CCDC102B: variants seen among roughly 807,000 people sequenced by gnomAD.
CCDC102B encodes coiled-coil domain containing 102B.
In CCDC102B, 75 loss-of-function variants were observed where a neutral mutation model predicts 57.4. The observed-to-expected ratio is 1.31, with a 90% CI of 1.08 to 1.58. The LOEUF (loss-of-function observed/expected upper bound fraction) is 1.58. Among genes scored for constraint, CCDC102B ranks in the 40% most tolerant of loss-of-function variants. The pLI is 0.00. For synonymous variants in CCDC102B, 206 were observed against 201.9 expected, an observed-to-expected ratio of 1.02 and a Z score of -0.17; for missense variants, 636 against 582.6, an observed-to-expected ratio of 1.09 and a Z score of -0.94.
downstream of CCDC102B, among the ~76,000 whole-genome samples, chr18:69,056,563 A>G (rs983566327): frequency 4.6e-5 from 7 of 151,630 alleles, no homozygotes; most frequent in African/African-American, 1.7e-4. Flanking sequence ...CTTCTGAATT[A>G]CTCTCTTCTC....
At chr18:68,863,533 CTGCCCAAGTTATTATTTGGA>C (rs2038849327) in intron 4 of CCDC102B, among the ~76,000 whole-genome samples, 1 of 151,970 alleles carries the variant, frequency 6.6e-6, no homozygotes, top group South Asian at 2.1e-4. Flanking sequence ...TCAGTTATTT[CTGCCCAAGTTATTATTTGGA>C]ATATTTAAAT....
chr18:68,917,683 C>T (rs1413291976), intron 6 of CCDC102B, among the ~76,000 whole-genome samples: 1 of 151,994 alleles, frequency 6.6e-6, no homozygotes, highest in Non-Finnish European at 1.5e-5. Flanking sequence ...CATATCAATC[C>T]CCAGTTATCA....
chr18:68,759,154 G>A (rs1216654370), intron 2 of CCDC102B, among the ~76,000 whole-genome samples: 1 of 151,828 alleles, frequency 6.6e-6, no homozygotes, highest in Non-Finnish European at 1.5e-5. Context: ...AACTCACAGA[G>A]TATAACAAAG....
chr18:68,878,287 C>T (rs192821808), intron 5 of CCDC102B, among the ~76,000 whole-genome samples: 44 of 151,980 alleles, frequency 2.9e-4, no homozygotes, highest in Middle Eastern at 6.8e-3. Context: ...TTGTAGAGAC[C>T]GGGGTCTCAC....
chr18:68,948,527 C>CATGA (rs2049603038), intron 6 of CCDC102B, among the ~76,000 whole-genome samples: 1 of 151,994 alleles, frequency 6.6e-6, no homozygotes, highest in Non-Finnish European at 1.5e-5. Flanking sequence ...AAGATGGCAC[C>CATGA]ACCAGAACTT....
At chr18:68,964,271 C>T (rs557857046) in intron 6 of CCDC102B, among the ~76,000 whole-genome samples, 1 of 152,010 alleles carries the variant, frequency 6.6e-6, no homozygotes, top group South Asian at 2.1e-4. Context: ...CATTTTGTCA[C>T]TCAGCCTACC....
At chr18:68,930,905 C>G (rs544137911) in intron 6 of CCDC102B, among the ~76,000 whole-genome samples, 26 of 151,692 alleles carry the variant, frequency 1.7e-4, no homozygotes, top group Middle Eastern at 3.4e-3. Context: ...AGCAGTTACA[C>G]GAACACATAC....
chr18:68,958,789 T>A (rs1425719802), intron 6 of CCDC102B, among the ~76,000 whole-genome samples: 1 of 152,188 alleles, frequency 6.6e-6, no homozygotes, highest in African/African-American at 2.4e-5. Flanking sequence ...TAACAGACAG[T>A]GATCCATTCT....
chr18:68,922,831 C>T (rs181480488), intron 6 of CCDC102B, among the ~76,000 whole-genome samples: 3,569 of 151,642 alleles, frequency 0.024, 131 homozygotes, highest in African/African-American at 0.081. Flanking sequence ...TTATTGAGCA[C>T]CTATTATAAG....
chr18:68,906,376 CTG>C (rs1182368623), intron 6 of CCDC102B, among the ~76,000 whole-genome samples: 2 of 152,168 alleles, frequency 1.3e-5, no homozygotes, highest in Non-Finnish European at 2.9e-5. Flanking sequence ...AATTCTATCT[CTG>C]TAACTTGTGG....
chr18:68,914,161 A>C (rs1456541796), intron 6 of CCDC102B, among the ~76,000 whole-genome samples: 1 of 152,218 alleles, frequency 6.6e-6, no homozygotes, highest in African/African-American at 2.4e-5. Flanking sequence ...TCATCATAAC[A>C]GTAAGAGAAA....
chr18:68,717,454 TTTA>T (rs1444816547), intron 2 of CCDC102B, among the ~76,000 whole-genome samples: 1 of 152,214 alleles, frequency 6.6e-6, no homozygotes, highest in Non-Finnish European at 1.5e-5. Context: ...CTCACCTGTT[TTTA>T]TTTTTCAGTG....
At chr18:68,877,288 A>G (rs1308937276) in intron 5 of CCDC102B, among the ~76,000 whole-genome samples, 1 of 152,200 alleles carries the variant, frequency 6.6e-6, no homozygotes, top group African/African-American at 2.4e-5. Flanking sequence ...TGTAAATATT[A>G]GCTTGTCTTA....
At chr18:68,842,177 T>C (rs1024350566) in intron 3 of CCDC102B, among the ~76,000 whole-genome samples, 7 of 151,424 alleles carry the variant, frequency 4.6e-5, no homozygotes, top group African/African-American at 1.2e-4. Context: ...TATTATTTTT[T>C]ATATATGTAT....
chr18:68,906,658 C>T (rs549843977), intron 6 of CCDC102B, among the ~76,000 whole-genome samples: 1 of 152,124 alleles, frequency 6.6e-6, no homozygotes, highest in Non-Finnish European at 1.5e-5. Context: ...TATGTGTACT[C>T]AAACTCTTTG....
At chr18:68,796,706 G>T (rs1298528667), upstream of CCDC102B, among the ~76,000 whole-genome samples, 1 of 152,046 alleles carries the variant, frequency 6.6e-6, no homozygotes, top group Non-Finnish European at 1.5e-5. Flanking sequence ...GGAAAACCAG[G>T]AGAGTGTTAT....
intron 1 of CCDC102B, among the ~76,000 whole-genome samples, chr18:68,829,788 G>A (rs977257554): frequency 1.3e-5 from 2 of 152,034 alleles, no homozygotes; most frequent in African/African-American, 4.8e-5. Context: ...CTTAGAAAAT[G>A]TATAGGAAAA....
At chr18:68,735,102 A>C (rs969409999) in intron 2 of CCDC102B, among the ~76,000 whole-genome samples, 2 of 152,182 alleles carry the variant, frequency 1.3e-5, no homozygotes, top group Admixed American at 6.5e-5. Flanking sequence ...CCTAGGCTGG[A>C]GTGCAGTGGT....
chr18:68,781,886 A>G (rs1418820370), intron 2 of CCDC102B, among the ~76,000 whole-genome samples: 1 of 152,118 alleles, frequency 6.6e-6, no homozygotes, highest in Non-Finnish European at 1.5e-5. Context: ...AATTTTTAAG[A>G]TCTAAGAGAT....
Sources: allele counts gnomAD v4.1 joint callset (sites outside exome capture counted in the v4.1 genomes callset), GRCh38; gene constraint gnomAD v4.1.1; transcripts MANE v1.5; gene names NCBI Gene and HGNC (gene_info 2026-07-23, HGNC 2026-07-21).